PKP4: variants seen among roughly 807,000 people sequenced by gnomAD.
PKP4 encodes plakophilin 4.
PKP4 carries 90 observed loss-of-function variants against 145.1 expected under a neutral mutation model. The observed-to-expected ratio is 0.62, with a 90% CI of 0.52 to 0.74. The LOEUF is 0.74. Among genes scored for constraint, PKP4 ranks in the 30% least tolerant of loss-of-function variants. PKP4 has a pLI of 0.00. For synonymous variants in PKP4, 563 were observed against 577.2 expected, an observed-to-expected ratio of 0.98 and a Z score of 0.35; for missense variants, 1,340 against 1,482.7, an observed-to-expected ratio of 0.90 and a Z score of 1.58.
intron 7 of PKP4, among the ~76,000 whole-genome samples, chr2:158,628,105 C>T (rs1269375157): frequency 2.0e-5 from 3 of 151,908 alleles, no homozygotes; most frequent in Non-Finnish European, 2.9e-5. Context: ...CTCAGCCTCC[C>T]GAGTAGCTGG....
In PKP4 at chr2:158,621,054, C is replaced by T. The variant is rs1293687672; in HGVS notation, c.345C>T (p.Leu115=). ...ACGCTGTCCAGCCCAACAACTATCT[C>T]ATCAGGACAGAGCCAGAACAAGGAA... The part of the protein sequence containing the change: ...VSDAVQPNNY[L]IRTEPEQGTL... The change falls in exon 5 of 22, where the codon CTC becomes CTT. Residue 115 remains leucine (L), a synonymous_variant. Coordinates refer to ENST00000389759, the MANE Select transcript of PKP4 (RefSeq NM_003628.6). The T allele has an allele frequency of 6.2e-7, 1 of 1,613,992 alleles. No individual in the cohort carries two copies. Among genetic ancestry groups the T allele is most frequent in the Non-Finnish European group, 8.5e-7 (1 of 1,179,856 alleles).
At chr2:158,583,508 A>G (rs186043645) in intron 3 of PKP4, among the ~76,000 whole-genome samples, 127 of 152,346 alleles carry the variant, frequency 8.3e-4, no homozygotes, top group African/African-American at 2.9e-3. Flanking sequence ...GATAACTACT[A>G]TACATTTTAA....
At chr2:158,485,833 T>C (rs1034069878) in intron 1 of PKP4, among the ~76,000 whole-genome samples, 1 of 152,094 alleles carries the variant, frequency 6.6e-6, no homozygotes, top group Non-Finnish European at 1.5e-5. Flanking sequence ...CATTAATTAG[T>C]TTATGTTCAG....
At chr2:158,493,177 A>G (rs1347034325) in intron 1 of PKP4, among the ~76,000 whole-genome samples, 3 of 152,108 alleles carry the variant, frequency 2.0e-5, no homozygotes, top group African/African-American at 7.2e-5. Context: ...GATATTATCT[A>G]TTATTGTTAA....
rs754944764 is a variant in PKP4, at chr2:158,666,497, G to A, written c.2662G>A (p.Val888Ile). Residue 888 changes from valine (V) to isoleucine (I), a missense_variant, in exon 16 of 22, where the codon GTT (valine) becomes ATT (isoleucine). Physicochemically the swap from Val to Ile is conservative, Grantham distance 29. Transcript: ENST00000389759. Reference protein sequence around the residue: ...VELLRMDNDRVVSSVATALRN... With the variant: ...VELLRMDNDRIVSSVATALRN... Reference sequence around the variant, plus strand: ...GCTTCTGAGAATGGATAACGATAGAGTTGTTTCTTCCGTGGCAACAGCCTT... The same window carrying A: ...GCTTCTGAGAATGGATAACGATAGAATTGTTTCTTCCGTGGCAACAGCCTT... 1 of 1,613,730 alleles carries A rather than the reference G, an allele frequency of 6.2e-7. No homozygotes were observed. Among genetic ancestry groups the A allele is most frequent in the Admixed American group, 1.7e-5 (1 of 59,982 alleles).
intron 1 of PKP4, among the ~76,000 whole-genome samples, chr2:158,517,299 A>G (rs1160235510): frequency 1.3e-5 from 2 of 152,380 alleles, no homozygotes; most frequent in Middle Eastern, 3.4e-3. Flanking sequence ...AAAAAGCTGA[A>G]TAAAATTAAT....
chr2:158,469,624 GT>G (rs1489792356), intron 1 of PKP4, among the ~76,000 whole-genome samples: 1 of 152,044 alleles, frequency 6.6e-6, no homozygotes, highest in Non-Finnish European at 1.5e-5. Context: ...TTTATACTTT[GT>G]TCAGTATTAC....
At chr2:158,559,226 C>T (rs2046327727) in intron 2 of PKP4, among the ~76,000 whole-genome samples, 1 of 152,058 alleles carries the variant, frequency 6.6e-6, no homozygotes, top group African/African-American at 2.4e-5. Context: ...CGCCACTAGT[C>T]CCAAGAGAAT....
chr2:158,634,349 C>T, intron 9 of PKP4, 60 bp downstream of exon 9: 2 of 1,375,168 alleles, frequency 1.5e-6, no homozygotes, highest in Non-Finnish European at 2.1e-6. Flanking sequence ...GCCAGTTCCT[C>T]CATTTTGACT....
intron 3 of PKP4, among the ~76,000 whole-genome samples, chr2:158,582,777 T>C (rs1488540605): frequency 1.3e-5 from 2 of 152,110 alleles, no homozygotes; most frequent in South Asian, 4.1e-4. Context: ...TATAAATGGA[T>C]GGAATAGCAC....
At chr2:158,619,082 G>T (rs990608734) in intron 4 of PKP4, among the ~76,000 whole-genome samples, 2 of 152,184 alleles carry the variant, frequency 1.3e-5, no homozygotes, top group Non-Finnish European at 2.9e-5. Context: ...GTTGACTGCT[G>T]CATAGCTCTG....
intron 1 of PKP4, among the ~76,000 whole-genome samples, chr2:158,471,466 C>T (rs770977844): frequency 6.6e-6 from 1 of 152,234 alleles, no homozygotes; most frequent in Non-Finnish European, 1.5e-5. Flanking sequence ...TCTATTCACA[C>T]TGAAATGTCT....
chr2:158,541,132 C>T (rs1255264288), intron 2 of PKP4, among the ~76,000 whole-genome samples: 3 of 152,088 alleles, frequency 2.0e-5, no homozygotes, highest in African/African-American at 4.8e-5. Flanking sequence ...AAAAATATTT[C>T]GGAAACATGT....
chr2:158,518,787 T>C (rs928129064), intron 1 of PKP4, among the ~76,000 whole-genome samples: 1 of 152,232 alleles, frequency 6.6e-6, no homozygotes, highest in African/African-American at 2.4e-5. Context: ...TGCCTTCATA[T>C]TTGAATCATA....
intron 3 of PKP4, 81 bp from the exon 4 acceptor site, chr2:158,602,989 G>C: frequency 1.4e-6 from 1 of 715,046 alleles, no homozygotes. Context: ...GAAATTAAAT[G>C]TTAATATGCA....
At chr2:158,469,050 A>G (rs997542345) in intron 1 of PKP4, among the ~76,000 whole-genome samples, 1 of 151,476 alleles carries the variant, frequency 6.6e-6, no homozygotes, top group African/African-American at 2.4e-5. Flanking sequence ...AAGTGCTGGG[A>G]TTACAGGCAT....
intron 9 of PKP4, among the ~76,000 whole-genome samples, chr2:158,636,201 C>T (rs2053795739): frequency 6.6e-6 from 1 of 151,902 alleles, no homozygotes; most frequent in Non-Finnish European, 1.5e-5. Flanking sequence ...CCTTTCTTGT[C>T]TTGCATTTCT....
rs80216255 is a variant in PKP4 at position 158,477,233 on chromosome 2, T to C, written c.-6+20015T>C. On this transcript the variant is annotated intron_variant, in intron 1 of 21. Coordinates refer to ENST00000389759, the MANE Select transcript of PKP4 (RefSeq NM_003628.6). The stretch of plus-strand genomic sequence containing the variant: ...TTAGAGATCACCATATGCAGTTCTT[T>C]CCTTTTACAGGGGAAGAGCTTGAGA... Among the ~76,000 whole-genome samples the C allele has an allele frequency of 5.1e-3, 769 of 150,722 alleles. 5 individuals are homozygous for C. Among genetic ancestry groups the C allele is most frequent in the African/African-American group, 0.018 (738 of 40,984 alleles).
At chr2:158,532,474 G>A (rs2883872) in intron 1 of PKP4, among the ~76,000 whole-genome samples, 108,265 of 152,172 alleles carry the variant, frequency 0.71, 39,078 homozygotes, top group East Asian at 0.89. Context: ...AGACTGATGT[G>A]TAAATGAGTT....
Sources: allele counts gnomAD v4.1 joint callset (sites outside exome capture counted in the v4.1 genomes callset), GRCh38; gene constraint gnomAD v4.1.1; transcripts MANE v1.5; gene names NCBI Gene and HGNC (gene_info 2026-07-23, HGNC 2026-07-21).